The following FAM124B variants were observed in gnomAD, a reference collection of about 807,000 sequenced individuals.
FAM124B encodes protein FAM124B.
Under a neutral mutation model 19.7 loss-of-function variants are expected in FAM124B, and 18 were observed. The observed-to-expected ratio is 0.92, with a 90% confidence interval of 0.63 to 1.36. The LOEUF (loss-of-function observed/expected upper bound fraction) is 1.36. Ranked by LOEUF, FAM124B falls within the 40% of genes most tolerant of loss-of-function variation. The probability of loss-of-function intolerance (pLI) is 0.00; values close to 1 mark genes in which losing one functional copy is unlikely to be tolerated. For synonymous variants in FAM124B, 223 were observed against 225.2 expected (o/e 0.99, Z 0.09); for missense variants, 540 against 553.3 (o/e 0.98, Z 0.24).
rs533492344 is a variant in FAM124B at position 224,394,118 on chromosome 2, G to A, written c.732+6919C>T. Among the ~76,000 whole-genome samples, 5 of 152,270 alleles carry A rather than the reference G, an allele frequency of 3.3e-5. No homozygotes were observed. In the South Asian group the frequency reaches 8.3e-4, roughly 25 times the overall value. On this transcript the variant is annotated intron_variant, in intron 1 of 1. Transcript: ENST00000409685. Reference sequence around the variant, plus strand: ...ATCTCCTCGTCCTCCTGGCTTTGTGGTTGCTTCTTCTCAGCGTCTCTCACT... The same window carrying A: ...ATCTCCTCGTCCTCCTGGCTTTGTGATTGCTTCTTCTCAGCGTCTCTCACT...
At chr2:224,398,970 C>T (rs1690019524) in intron 1 of FAM124B, among the ~76,000 whole-genome samples, 1 of 152,184 alleles carries the variant, frequency 6.6e-6, no homozygotes. Flanking sequence ...GAGAGAGACT[C>T]TGTCTCAAAA....
At position 224,392,575 on chromosome 2, in the gene FAM124B, CA is replaced by C. The variant is rs373798079; in HGVS notation, c.732+8461del. ...TTTGAGACCAGCCTGGGCAACATGG[CA>C]AAACCCGGTCTCTACAAAAAATACA... On this transcript the variant is annotated intron_variant, in intron 1 of 1. Transcript: ENST00000409685. 4.1e-4 allele frequency among the ~76,000 whole-genome samples: 63 copies of C among 152,062 alleles called. 2 individuals are homozygous for C. The South Asian group carries it at 9.6e-3, about 23-fold the overall frequency.
At chr2:224,380,648 A>G (rs1414640796) in intron 1 of FAM124B, among the ~76,000 whole-genome samples, 2 of 152,224 alleles carry the variant, frequency 1.3e-5, no homozygotes, top group South Asian at 2.1e-4. Context: ...TAAGAATTCA[A>G]TCTTCCAAAG....
At chr2:224,397,736 C>T (rs1310607543) in intron 1 of FAM124B, among the ~76,000 whole-genome samples, 4 of 152,154 alleles carry the variant, frequency 2.6e-5, no homozygotes, top group African/African-American at 4.8e-5. Context: ...AAGAAACTGG[C>T]GGCATTTTGC....
chr2:224,394,903 G>A (rs1689946087), intron 1 of FAM124B, among the ~76,000 whole-genome samples: 1 of 152,254 alleles, frequency 6.6e-6, no homozygotes, highest in Middle Eastern at 3.4e-3. Flanking sequence ...CTTGCAGGAG[G>A]GTCCAGCTCC....
At chr2:224,395,810 G>A (rs116147446) in intron 1 of FAM124B, among the ~76,000 whole-genome samples, 14 of 152,280 alleles carry the variant, frequency 9.2e-5, no homozygotes, top group African/African-American at 2.9e-4. Flanking sequence ...TGTGGAAAAC[G>A]CATTGCTCAC....
chr2:224,396,363 C>T (rs1164047807), intron 1 of FAM124B, among the ~76,000 whole-genome samples: 1 of 152,142 alleles, frequency 6.6e-6, no homozygotes, highest in African/African-American at 2.4e-5. Context: ...CCTGGGCCAC[C>T]CAGCTCACGC....
Position 224,388,404 on chromosome 2 carries a change from G to T in FAM124B, c.733-8196C>A, listed in dbSNP as rs1689831378. Among the ~76,000 whole-genome samples, 3 of 152,188 alleles carry T rather than the reference G, an allele frequency of 2.0e-5. No individual in the cohort carries two copies. In the South Asian group the frequency reaches 6.2e-4, roughly 32 times the overall value. ...ATAGTAATCAGCCATAAAAGTAAAT[G>T]AAATTGTAATAAATGCTACAGCACT... On this transcript the variant is annotated intron_variant, in intron 1 of 1. Coordinates refer to ENST00000409685, the MANE Select transcript of FAM124B (RefSeq NM_001122779.2).
intron 1 of FAM124B, among the ~76,000 whole-genome samples, chr2:224,390,158 C>CACACACACACAG (rs1368022541): frequency 2.3e-3 from 328 of 145,290 alleles, no homozygotes; most frequent in African/African-American, 7.6e-3. Flanking sequence ...CACACACACA[C>CACACACACACAG]AGAAAAGGAA....
chr2:224,397,118 A>T (rs1057281494), intron 1 of FAM124B, among the ~76,000 whole-genome samples: 1 of 152,196 alleles, frequency 6.6e-6, no homozygotes, highest in Non-Finnish European at 1.5e-5. Flanking sequence ...TTCATATTGA[A>T]TTATAACTGC....
At chr2:224,382,401 C>T (rs1163260939) in intron 1 of FAM124B, among the ~76,000 whole-genome samples, 1 of 143,252 alleles carries the variant, frequency 7.0e-6, no homozygotes, top group African/African-American at 2.7e-5. Context: ...CAATGATTCC[C>T]TGTCTTTTTT....
At chr2:224,391,066 G>A (rs1275490677) in intron 1 of FAM124B, among the ~76,000 whole-genome samples, 1 of 150,308 alleles carries the variant, frequency 6.7e-6, no homozygotes, top group Non-Finnish European at 1.5e-5. Flanking sequence ...CACTTGGCAG[G>A]GTGCGGTGGC....
chr2:224,390,202 A>ATTAAAAGAATGAACCC (rs774821475), intron 1 of FAM124B, among the ~76,000 whole-genome samples: 19 of 151,906 alleles, frequency 1.3e-4, no homozygotes, highest in Non-Finnish European at 2.6e-4. Context: ...AATTAAAAGA[A>ATTAAAAGAATGAACCC]CTGGGTTATG....
At chr2:224,395,901 C>T (rs741533) in intron 1 of FAM124B, among the ~76,000 whole-genome samples, 31,334 of 152,078 alleles carry the variant, frequency 0.21, 3,364 homozygotes, top group South Asian at 0.25. Flanking sequence ...TCTCCAGGAG[C>T]TTCTACTTTA....
In FAM124B at chr2:224,379,838, G is replaced by A; in HGVS notation, c.1103C>T (p.Thr368Ile). ...CTGCCTGGGTTCAGAATTTATGATG[G>A]TCAAGCCGGTGTCAACATTCGTCTC... ...EAETNVDTGL[T>I]IINSEPRQTY... The change falls in exon 2 of 2, where the codon ACC becomes ATC. Residue 368 changes from threonine to isoleucine, a missense_variant. Coordinates refer to ENST00000409685, the MANE Select transcript of FAM124B (RefSeq NM_001122779.2). 1.3e-6 allele frequency: 2 copies of A among 1,551,950 alleles called. No homozygotes were observed. Among genetic ancestry groups the A allele is most frequent in the Non-Finnish European group, 1.7e-6 (2 of 1,147,054 alleles).
chr2:224,379,740 C>G lies in FAM124B; in HGVS notation c.1201G>C (p.Gly401Arg), dbSNP rs566543466. The G allele has an allele frequency of 4.8e-5, 75 of 1,551,658 alleles. No homozygotes were observed. The African/African-American group carries it at 7.7e-4, about 16-fold the overall frequency. Residue 401 changes from glycine (G) to arginine (R), a missense_variant, in exon 2 of 2, where the codon GGG becomes CGG. Transcript: ENST00000409685. Reference sequence around the variant, plus strand: ...CTGTTGTTTTTGGAGGTAGCCACCCCCAAGGAAGAGGCTGGCAAGCAGAAT... The same window carrying G: ...CTGTTGTTTTTGGAGGTAGCCACCCGCAAGGAAGAGGCTGGCAAGCAGAAT... Reference protein sequence around the residue: ...PPFCLPASSLGVATSKNNSVL... With the variant: ...PPFCLPASSLRVATSKNNSVL...
At chr2:224,387,035 G>A (rs936756561) in intron 1 of FAM124B, among the ~76,000 whole-genome samples, 2 of 152,138 alleles carry the variant, frequency 1.3e-5, no homozygotes, top group African/African-American at 4.8e-5. Context: ...GTGAGTGTAA[G>A]GTTATTAACA....
At chr2:224,386,545 C>T (rs1231431598) in intron 1 of FAM124B, among the ~76,000 whole-genome samples, 12 of 152,296 alleles carry the variant, frequency 7.9e-5, no homozygotes, top group Admixed American at 7.8e-4. Flanking sequence ...TCGTGCCTTG[C>T]ATGTGTTTGT....
chr2:224,381,546 T>C (rs1689717430), intron 1 of FAM124B, among the ~76,000 whole-genome samples: 1 of 152,016 alleles, frequency 6.6e-6, no homozygotes, highest in Admixed American at 6.6e-5. Flanking sequence ...GAGGGATGAC[T>C]AAGTGGAGCA....
Sources: allele counts gnomAD v4.1 joint callset (sites outside exome capture counted in the v4.1 genomes callset), GRCh38; gene constraint gnomAD v4.1.1; transcripts MANE v1.5; gene names NCBI Gene and HGNC (gene_info 2026-07-23, HGNC 2026-07-21).